Variants in NALF1 observed in about 807,000 individuals in gnomAD.
NALF1 encodes family with sequence similarity 155 member A.
In NALF1, 3 loss-of-function variants were observed where a neutral mutation model predicts 48.4. The ratio of observed to expected loss-of-function variants is 0.06; its 90% CI spans 0.03 to 0.16. The LOEUF is 0.16. Among genes scored for constraint, NALF1 ranks in the 10% least tolerant of loss-of-function variants. The pLI is 1.00. For missense variants in NALF1, 526 were observed against 571.5 expected, an observed-to-expected ratio of 0.92 and a Z score of 0.81; for synonymous variants, 262 against 245.7, an observed-to-expected ratio of 1.07 and a Z score of -0.62.
intron 1 of NALF1, among the ~76,000 whole-genome samples, chr13:107,295,847 C>T (rs1275582431): frequency 6.6e-6 from 1 of 152,176 alleles, no homozygotes; most frequent in Non-Finnish European, 1.5e-5. Flanking sequence ...TTTAAAAAAA[C>T]ACTACTTTAA....
intron 1 of NALF1, among the ~76,000 whole-genome samples, chr13:107,585,617 C>T (rs1594143353): frequency 6.6e-6 from 1 of 152,150 alleles, no homozygotes. Context: ...TTCTGGATGG[C>T]GGCTCCACTA....
chr13:107,504,406 TAAGTA>T (rs1458323793), intron 1 of NALF1, among the ~76,000 whole-genome samples: 2 of 152,080 alleles, frequency 1.3e-5, no homozygotes, highest in East Asian at 3.9e-4. Flanking sequence ...GGATTTTTGT[TAAGTA>T]AATAGATTTA....
At chr13:107,478,478 T>G (rs1442314726) in intron 1 of NALF1, among the ~76,000 whole-genome samples, 2 of 152,110 alleles carry the variant, frequency 1.3e-5, no homozygotes, top group Non-Finnish European at 1.5e-5. Context: ...AAGTCAGTGT[T>G]GAATATTTTT....
chr13:107,506,043 G>A (rs970190523), intron 1 of NALF1, among the ~76,000 whole-genome samples: 3 of 151,918 alleles, frequency 2.0e-5, no homozygotes, highest in Admixed American at 2.0e-4. Context: ...AATAATTTTT[G>A]TTATAAGAAC....
At chr13:107,800,471 C>T (rs1404630680) in intron 1 of NALF1, among the ~76,000 whole-genome samples, 1 of 151,180 alleles carries the variant, frequency 6.6e-6, no homozygotes, top group African/African-American at 2.4e-5. Flanking sequence ...AGTCCCTAAA[C>T]AACAAATTTA....
intron 1 of NALF1, among the ~76,000 whole-genome samples, chr13:107,280,303 G>C (rs987259275): frequency 4.6e-5 from 7 of 152,128 alleles, no homozygotes; most frequent in Non-Finnish European, 8.8e-5. Context: ...TTCAAGGCTT[G>C]TAGTTTTCTC....
At chr13:107,606,105 A>G (rs890068223) in intron 1 of NALF1, among the ~76,000 whole-genome samples, 1 of 152,182 alleles carries the variant, frequency 6.6e-6, no homozygotes, top group African/African-American at 2.4e-5. Context: ...ATTCACATGT[A>G]CATTCAAAAG....
In NALF1 at chr13:107,420,698, C is replaced by T. The variant is rs114132077; in HGVS notation, c.916-209943G>A. 5.3e-3 allele frequency among the ~76,000 whole-genome samples: 811 copies of T among 152,240 alleles called. 8 individuals carry two copies. The highest frequency in any genetic ancestry group is 0.019 in the African/African-American group (778 of 41,546). On this transcript the variant is annotated intron_variant, in intron 1 of 2. Transcript: ENST00000375915. ...ATACATATACCCATACAAATATATG[C>T]TTTCTATTTATTTATTTAAGCACAA...
At chr13:107,738,048 G>A (rs1174165974) in intron 1 of NALF1, among the ~76,000 whole-genome samples, 4 of 152,012 alleles carry the variant, frequency 2.6e-5, no homozygotes, top group South Asian at 4.1e-4. Flanking sequence ...TTAAAAACAC[G>A]GCTCTTTGCA....
chr13:107,721,144 ACACACG>A (rs1473166226), intron 1 of NALF1, among the ~76,000 whole-genome samples: 117 of 146,516 alleles, frequency 8.0e-4, no homozygotes, highest in African/African-American at 2.7e-3. Flanking sequence ...ACACACACAC[ACACACG>A]TAATGAAATA....
intron 1 of NALF1, among the ~76,000 whole-genome samples, chr13:107,597,311 T>C (rs758861008): frequency 3.9e-5 from 6 of 152,156 alleles, no homozygotes; most frequent in Non-Finnish European, 5.9e-5. Context: ...CGTACACACA[T>C]GACCCTCCTG....
chr13:107,185,320 A>G (rs1879147817), intron 2 of NALF1, among the ~76,000 whole-genome samples: 2 of 152,098 alleles, frequency 1.3e-5, no homozygotes, highest in African/African-American at 2.4e-5. Context: ...TATACTGCAT[A>G]TTCATCTTAG....
Position 107,867,132 on chromosome 13 carries a change from T to A in NALF1, c.-536A>T, listed in dbSNP as rs968572864. The stretch of plus-strand genomic sequence containing the variant: ...GCGCCCGGAGCGCCTCCCCTCCTCC[T>A]CCTCCTCCTCCTCTTCTTCTCCTCC... On this transcript the variant is annotated 5_prime_UTR_variant, in exon 1 of 3. Transcript: ENST00000375915. This position sits in a 1 kb window ranked among gnomAD's most constrained non-coding sequence, Gnocchi z 4.4. 1.3e-5 allele frequency among the ~76,000 whole-genome samples: 2 copies of A among 150,186 alleles called. No homozygotes were observed. Among genetic ancestry groups the A allele is most frequent in the African/African-American group, 4.9e-5 (2 of 40,788 alleles).
intron 1 of NALF1, among the ~76,000 whole-genome samples, chr13:107,530,707 G>T (rs1435468646): frequency 2.0e-5 from 3 of 152,068 alleles, no homozygotes; most frequent in Non-Finnish European, 4.4e-5. Flanking sequence ...CACAGCTATA[G>T]AGAAAACATA....
intron 1 of NALF1, among the ~76,000 whole-genome samples, chr13:107,571,457 G>C (rs1877985037): frequency 6.6e-6 from 1 of 152,166 alleles, no homozygotes; most frequent in Non-Finnish European, 1.5e-5. Context: ...AGAGTTTTTG[G>C]CTTGGTGTAC....
At chr13:107,263,001 G>A (rs1880964224) in intron 1 of NALF1, among the ~76,000 whole-genome samples, 1 of 152,136 alleles carries the variant, frequency 6.6e-6, no homozygotes, top group Non-Finnish European at 1.5e-5. Context: ...ATGTTTAATA[G>A]TAGGAGCAAG....
At chr13:107,731,592 C>T (rs1440848408) in intron 1 of NALF1, among the ~76,000 whole-genome samples, 1 of 152,046 alleles carries the variant, frequency 6.6e-6, no homozygotes, top group African/African-American at 2.4e-5. Flanking sequence ...TGTGTTAGTC[C>T]CCTCTATGTG....
chr13:107,819,729 TCTCTCTCTCTCTCTCTCTGGAAA>T (rs1201157162), intron 1 of NALF1, among the ~76,000 whole-genome samples: 14 of 133,492 alleles, frequency 1.0e-4, no homozygotes, highest in African/African-American at 4.0e-4. Context: ...GGAAACTGTC[TCTCTCTCTCTCTCTCTCTGGAAA>T]CTCTCTCTCT....
At chr13:107,379,898 T>C (rs1029187343) in intron 1 of NALF1, among the ~76,000 whole-genome samples, 2 of 152,184 alleles carry the variant, frequency 1.3e-5, no homozygotes, top group Non-Finnish European at 2.9e-5. Flanking sequence ...GATTGAAAAG[T>C]CTCACTGTTA....
Sources: gnomAD v4.1 joint callset for allele counts (sites outside exome capture counted in the v4.1 genomes callset) on GRCh38, gnomAD v4.1.1 for gene constraint, Gnocchi (gnomAD v3.1) non-coding constraint, MANE v1.5 for transcripts, NCBI Gene and HGNC (gene_info 2026-07-23, HGNC 2026-07-21) for gene names.